Variants in WDFY1 observed in about 807,000 individuals in gnomAD.
WDFY1 encodes the protein WD repeat and FYVE domain containing 1, also known as WD repeat and FYVE domain-containing protein 1.
A neutral mutation model predicts 56.4 loss-of-function variants in WDFY1; 32 were observed. The ratio of observed to expected loss-of-function variants is 0.57; its 90% CI spans 0.43 to 0.76. The LOEUF (loss-of-function observed/expected upper bound fraction) is 0.76, where lower values mean the gene tolerates loss of function less well. Ranked by LOEUF, WDFY1 falls within the 30% of genes least tolerant of loss-of-function variation. The pLI, the probability that WDFY1 is intolerant of heterozygous loss-of-function variation, is 0.00. For missense variants in WDFY1, 480 were observed against 545.7 expected, an observed-to-expected ratio of 0.88 and a Z score of 1.20; for synonymous variants, 192 against 197.3, an observed-to-expected ratio of 0.97 and a Z score of 0.23.
chr2:223,880,275 C>T (rs1385720132), intron 10 of WDFY1, 43 bp from the exon 11 acceptor site: 7 of 1,580,482 alleles, frequency 4.4e-6, no homozygotes, highest in Non-Finnish European at 6.1e-6. Flanking sequence ...CTTGACTGTA[C>T]CTAGAGCTAG....
At chr2:223,913,706 T>G (rs1693740911) in intron 2 of WDFY1, among the ~76,000 whole-genome samples, 1 of 152,194 alleles carries the variant, frequency 6.6e-6, no homozygotes, top group Non-Finnish European at 1.5e-5. Context: ...GTTTTAAGCT[T>G]CTTTTCAATT....
chr2:223,876,550 C>T lies in WDFY1; in HGVS notation c.*2121G>A, dbSNP rs1692976537. ...TTTCCTTTTCTAAGATACGTCACTC[C>T]AATTCTTCCTTAAATATAAACTTCC... is the stretch of plus-strand genomic sequence containing the variant. On this transcript the variant is annotated 3_prime_UTR_variant, in exon 12 of 12. Transcript: ENST00000233055. 1 of 152,170 alleles carries T rather than the reference C, an allele frequency of 6.6e-6. No homozygotes were observed. Among genetic ancestry groups the T allele is most frequent in the Admixed American group, 6.5e-5 (1 of 15,270 alleles). The allele number at this position is 152,170 out of a possible 1,614,324, so 9.4% of individuals were successfully genotyped here.
At chr2:223,882,190 C>G (rs1319374969) in intron 9 of WDFY1, 118 bp from the exon 10 acceptor site, 1 of 1,315,232 alleles carries the variant, frequency 7.6e-7, no homozygotes, top group African/African-American at 1.5e-5. Context: ...TCTCGGCTCA[C>G]TGCAACCTCT....
intron 4 of WDFY1, among the ~76,000 whole-genome samples, chr2:223,902,365 C>A (rs558590091): frequency 3.9e-5 from 6 of 152,230 alleles, no homozygotes; most frequent in African/African-American, 7.2e-5. Context: ...GAGTTGGAGA[C>A]CAGCCTGGGC....
chr2:223,945,073 G>A (rs1298029763), intron 1 of WDFY1, 75 bp downstream of exon 1: 4 of 1,471,080 alleles, frequency 2.7e-6, no homozygotes, highest in African/African-American at 1.5e-5. Flanking sequence ...AGGAAGGACC[G>A]GGGCCGCGGA....
At chr2:223,940,766 C>G (rs1170192148) in intron 1 of WDFY1, among the ~76,000 whole-genome samples, 1 of 152,100 alleles carries the variant, frequency 6.6e-6, no homozygotes, top group South Asian at 2.1e-4. Flanking sequence ...TCTCAGCCTC[C>G]CAAGTAGCTG....
chr2:223,931,842 C>T (rs1359064448), intron 1 of WDFY1, among the ~76,000 whole-genome samples: 1 of 152,078 alleles, frequency 6.6e-6, no homozygotes, highest in South Asian at 2.1e-4. Flanking sequence ...TGCACTACCA[C>T]ACCCAGCTAA....
chr2:223,924,797 T>C (rs1172657880), intron 1 of WDFY1, among the ~76,000 whole-genome samples: 4 of 152,210 alleles, frequency 2.6e-5, no homozygotes, highest in Non-Finnish European at 5.9e-5. Flanking sequence ...TGTACTGCTG[T>C]GCAGGGAAAG....
At chr2:223,920,774 C>T (rs1693873819) in intron 1 of WDFY1, among the ~76,000 whole-genome samples, 1 of 152,146 alleles carries the variant, frequency 6.6e-6, no homozygotes, top group African/African-American at 2.4e-5. Context: ...ATGCATCCCT[C>T]CTCAAGGGAA....
intron 1 of WDFY1, among the ~76,000 whole-genome samples, chr2:223,936,497 G>T (rs1035350964): frequency 1.3e-5 from 2 of 152,210 alleles, no homozygotes; most frequent in African/African-American, 2.4e-5. Context: ...GGAACTCAGG[G>T]AAGCCAGTTA....
At chr2:223,918,779 A>G (rs548572630) in intron 1 of WDFY1, among the ~76,000 whole-genome samples, 1 of 152,268 alleles carries the variant, frequency 6.6e-6, no homozygotes, top group Non-Finnish European at 1.5e-5. Flanking sequence ...TGTGAGTGGG[A>G]AGAGGCTCAT....
intron 1 of WDFY1, among the ~76,000 whole-genome samples, chr2:223,918,762 C>T (rs1036452083): frequency 2.0e-5 from 3 of 152,136 alleles, no homozygotes; most frequent in East Asian, 1.9e-4. Flanking sequence ...GAGAGGAAGG[C>T]GGTGGCTGTG....
At chr2:223,923,730 C>G (rs1369993197) in intron 1 of WDFY1, among the ~76,000 whole-genome samples, 1 of 151,916 alleles carries the variant, frequency 6.6e-6, no homozygotes, top group Non-Finnish European at 1.5e-5. Flanking sequence ...CACTGCACTC[C>G]AGCCTGGGCG....
At chr2:223,883,512 TGACA>T (rs942861489) in intron 9 of WDFY1, among the ~76,000 whole-genome samples, 5 of 152,238 alleles carry the variant, frequency 3.3e-5, no homozygotes, top group African/African-American at 1.2e-4. Flanking sequence ...ACTTGGCTAA[TGACA>T]GACAGAACTC....
chr2:223,915,020 C>A (rs1041693803), intron 2 of WDFY1, among the ~76,000 whole-genome samples: 1 of 152,174 alleles, frequency 6.6e-6, no homozygotes. Context: ...GGATAATCTG[C>A]GGATAGCTTT....
chr2:223,931,085 T>C (rs568099640), intron 1 of WDFY1, among the ~76,000 whole-genome samples: 5 of 152,330 alleles, frequency 3.3e-5, no homozygotes, highest in South Asian at 4.1e-4. Context: ...TTAAGAACCA[T>C]AGGAATCTGA....
intron 11 of WDFY1, among the ~76,000 whole-genome samples, chr2:223,879,864 G>A (rs1468057617): frequency 6.6e-6 from 1 of 152,148 alleles, no homozygotes; most frequent in Non-Finnish European, 1.5e-5. Context: ...AGAACCCAGA[G>A]GTCAACTCCA....
chr2:223,940,537 C>T (rs1337246453), intron 1 of WDFY1, among the ~76,000 whole-genome samples: 1 of 152,082 alleles, frequency 6.6e-6, no homozygotes, highest in Non-Finnish European at 1.5e-5. Context: ...AACAGGTTAG[C>T]TATTGTTATT....
chr2:223,881,500 G>T (rs1384004287), intron 10 of WDFY1, among the ~76,000 whole-genome samples: 1 of 152,102 alleles, frequency 6.6e-6, no homozygotes, highest in East Asian at 1.9e-4. Flanking sequence ...CTTCAAAAAT[G>T]GCTTAGGGGC....
Sources: allele counts gnomAD v4.1 joint callset (sites outside exome capture counted in the v4.1 genomes callset), GRCh38; gene constraint gnomAD v4.1.1; transcripts MANE v1.5; gene names NCBI Gene and HGNC (gene_info 2026-07-23, HGNC 2026-07-21).